ASAP2: variants seen among roughly 807,000 people sequenced by gnomAD.
The protein encoded by ASAP2 is arf-GAP with SH3 domain, ANK repeat and PH domain-containing protein 2.
Under a neutral mutation model 131.4 loss-of-function variants are expected in ASAP2, and 45 were observed. That is an observed-to-expected ratio of 0.34 (90% confidence interval 0.27 to 0.44). The LOEUF (loss-of-function observed/expected upper bound fraction) is 0.44, where lower values mean the gene tolerates loss of function less well. ASAP2 is among the 20% of genes least tolerant of loss of function. The pLI is 1.00. For missense variants in ASAP2, 1,011 were observed against 1,297.0 expected (o/e 0.78, Z 3.39); for synonymous variants, 510 against 503.0 (o/e 1.01, Z -0.19).
intron 1 of ASAP2, among the ~76,000 whole-genome samples, chr2:9,265,962 C>T (rs1572293977): frequency 6.6e-6 from 1 of 152,034 alleles, no homozygotes; most frequent in Non-Finnish European, 1.5e-5. Flanking sequence ...TTAGTAGAAG[C>T]GGGGTTTCAC....
chr2:9,258,914 C>A (rs1266047165), intron 1 of ASAP2, among the ~76,000 whole-genome samples: 1 of 152,216 alleles, frequency 6.6e-6, no homozygotes, highest in East Asian at 1.9e-4. Context: ...GTCCATGCTC[C>A]TGATTACAGA....
chr2:9,338,723 C>G (rs1463872770), intron 9 of ASAP2, among the ~76,000 whole-genome samples: 1 of 152,200 alleles, frequency 6.6e-6, no homozygotes, highest in Non-Finnish European at 1.5e-5. Context: ...GGATCATGCT[C>G]TGGGGGTGGG....
intron 3 of ASAP2, among the ~76,000 whole-genome samples, chr2:9,299,813 G>C (rs1299390997): frequency 1.3e-5 from 2 of 152,058 alleles, no homozygotes; most frequent in Admixed American, 6.5e-5. Context: ...TGTGTGGATA[G>C]ATTATAGCCA....
At chr2:9,380,964 G>T (rs1260513936) in intron 20 of ASAP2, among the ~76,000 whole-genome samples, 156 bp downstream of exon 20, 1 of 152,166 alleles carries the variant, frequency 6.6e-6, no homozygotes, top group Non-Finnish European at 1.5e-5. Context: ...CTTGGAGAAG[G>T]TATGCTAGGG....
chr2:9,317,314 C>T (rs1458166823), intron 3 of ASAP2, among the ~76,000 whole-genome samples: 1 of 118,326 alleles, frequency 8.5e-6, no homozygotes, highest in Non-Finnish European at 1.8e-5. Flanking sequence ...CCCCCACATC[C>T]ACTCACACAA....
At chr2:9,279,800 T>C (rs897383127) in intron 2 of ASAP2, among the ~76,000 whole-genome samples, 1 of 150,696 alleles carries the variant, frequency 6.6e-6, no homozygotes, top group Non-Finnish European at 1.5e-5. Context: ...TTTTCTAGTA[T>C]AGGAAGAAAA....
intron 22 of ASAP2, among the ~76,000 whole-genome samples, 172 bp downstream of exon 22, chr2:9,388,718 G>A (rs1675494265): frequency 6.6e-6 from 1 of 152,190 alleles, no homozygotes; most frequent in Non-Finnish European, 1.5e-5. Context: ...CCAGATGGTG[G>A]TAGAGTCTCT....
At chr2:9,239,634 AC>A (rs1182233608) in intron 1 of ASAP2, among the ~76,000 whole-genome samples, 1 of 152,096 alleles carries the variant, frequency 6.6e-6, no homozygotes, top group Non-Finnish European at 1.5e-5. Flanking sequence ...TTAACCGAGC[AC>A]CATTTATGTG....
At chr2:9,211,813 C>T (rs183138711) in intron 1 of ASAP2, among the ~76,000 whole-genome samples, 2 of 152,268 alleles carry the variant, frequency 1.3e-5, no homozygotes, top group Admixed American at 1.3e-4. Flanking sequence ...GAATGTTAGC[C>T]CTTTGTGACT....
intron 1 of ASAP2, among the ~76,000 whole-genome samples, chr2:9,241,421 G>T (rs950699575): frequency 3.3e-5 from 5 of 152,130 alleles, no homozygotes; most frequent in African/African-American, 1.2e-4. Context: ...TCCATATCAG[G>T]GTTGGGGATG....
chr2:9,358,927 T>C (rs751228516), intron 15 of ASAP2, 38 bp downstream of exon 15: 2 of 1,585,306 alleles, frequency 1.3e-6, no homozygotes, highest in Non-Finnish European at 1.7e-6. Flanking sequence ...TGGAAACAAA[T>C]GAGCTGTAAG....
chr2:9,377,112 A>G (rs544851515), intron 18 of ASAP2, 119 bp downstream of exon 18: 1 of 880,592 alleles, frequency 1.1e-6, no homozygotes, highest in Non-Finnish European at 1.8e-6. Flanking sequence ...AGTTCTAAAC[A>G]TGAATTAAAG....
chr2:9,379,110 C>T (rs762615199), intron 19 of ASAP2, 51 bp downstream of exon 19: 4 of 1,318,650 alleles, frequency 3.0e-6, no homozygotes, highest in Non-Finnish European at 4.0e-6. Context: ...CTGGCCTCTG[C>T]CTCCTGTCTG....
chr2:9,278,846 T>G (rs909574492), intron 1 of ASAP2, among the ~76,000 whole-genome samples: 2 of 152,184 alleles, frequency 1.3e-5, no homozygotes, highest in Non-Finnish European at 2.9e-5. Flanking sequence ...TAATGATATT[T>G]GGGTTTTTCC....
intron 9 of ASAP2, among the ~76,000 whole-genome samples, chr2:9,335,451 CAGT>C: frequency 6.6e-6 from 1 of 152,354 alleles, no homozygotes; most frequent in Middle Eastern, 3.4e-3. Flanking sequence ...AAGGAGCTCT[CAGT>C]GGCTTCGTCA....
rs757330109 is a variant in ASAP2, at chr2:9,401,405, A to G, written c.2946+9A>G. The G allele has an allele frequency of 3.7e-6, 6 of 1,612,728 alleles. No individual in the cohort carries two copies. The East Asian group carries it at 6.7e-5, about 18-fold the overall frequency. On this transcript the variant is annotated intron_variant, in intron 27 of 27. Transcript: ENST00000281419. ...AGGACCAGGAGTGGTGGGTGAGTCA[A>G]GGGTGGGCCTGGGAGGTTCCTGGGG...
At chr2:9,321,573 C>T (rs1382412639) in intron 5 of ASAP2, among the ~76,000 whole-genome samples, 2 of 152,042 alleles carry the variant, frequency 1.3e-5, no homozygotes, top group African/African-American at 4.8e-5. Context: ...GCTTGTCAGC[C>T]AGTAAGAGTA....
intron 1 of ASAP2, among the ~76,000 whole-genome samples, chr2:9,253,379 G>T (rs376734786): frequency 3.0e-3 from 450 of 152,140 alleles, no homozygotes; most frequent in African/African-American, 0.011. Flanking sequence ...GGCCAGGCTG[G>T]TCTCCAACTC....
At chr2:9,279,645 C>T (rs1006796741) in intron 2 of ASAP2, among the ~76,000 whole-genome samples, 2 of 152,192 alleles carry the variant, frequency 1.3e-5, no homozygotes, top group African/African-American at 4.8e-5. Flanking sequence ...GTTGCACTTC[C>T]TGTTTTCTGG....
Sources: allele counts gnomAD v4.1 joint callset (sites outside exome capture counted in the v4.1 genomes callset), GRCh38; gene constraint gnomAD v4.1.1; transcripts MANE v1.5; gene names NCBI Gene and HGNC (gene_info 2026-07-23, HGNC 2026-07-21).